Variants in CSMD1 observed in about 807,000 individuals in gnomAD.
CSMD1 encodes the protein CUB and sushi domain-containing protein 1.
Under a neutral mutation model 417.5 loss-of-function variants are expected in CSMD1, and 213 were observed. The ratio of observed to expected loss-of-function variants is 0.51; its 90% CI spans 0.46 to 0.57. The LOEUF (loss-of-function observed/expected upper bound fraction) is 0.57. Among genes scored for constraint, CSMD1 ranks in the 20% least tolerant of loss-of-function variants. The probability of loss-of-function intolerance (pLI) is 0.00; values close to 1 mark genes in which losing one functional copy is unlikely to be tolerated. For missense variants in CSMD1, 6,923 were observed against 4,529.7 expected (o/e 1.53, Z -15.17); for synonymous variants, 2,862 against 1,736.8 (o/e 1.65, Z -16.11).
At chr8:4,210,057 G>C (rs1800216496) in intron 3 of CSMD1, among the ~76,000 whole-genome samples, 1 of 152,154 alleles carries the variant, frequency 6.6e-6, no homozygotes, top group African/African-American at 2.4e-5. Context: ...CCTGCTTCCT[G>C]AGTCAAGTCC....
chr8:3,812,337 T>C (rs1308578180), intron 5 of CSMD1, among the ~76,000 whole-genome samples: 1 of 152,222 alleles, frequency 6.6e-6, no homozygotes, highest in Non-Finnish European at 1.5e-5. Context: ...ATGAGTCATG[T>C]GAATGACAAT....
chr8:3,026,394 G>C (rs538207608), intron 51 of CSMD1, among the ~76,000 whole-genome samples: 2 of 151,420 alleles, frequency 1.3e-5, no homozygotes, highest in African/African-American at 4.8e-5. Flanking sequence ...ACCTCACTCG[G>C]CCTCACTGGG....
At chr8:3,498,400 G>A (rs1414516437) in intron 10 of CSMD1, among the ~76,000 whole-genome samples, 1 of 151,680 alleles carries the variant, frequency 6.6e-6, no homozygotes, top group Non-Finnish European at 1.5e-5. Context: ...TCTTTTTCTT[G>A]GGAAAATTAC....
intron 40 of CSMD1, among the ~76,000 whole-genome samples, chr8:3,143,011 C>T (rs1415134234): frequency 2.0e-5 from 3 of 152,136 alleles, no homozygotes; most frequent in Non-Finnish European, 4.4e-5. Context: ...TGATTTTGTC[C>T]GGTGACTTTT....
At chr8:3,026,126 G>A (rs1357192810) in intron 51 of CSMD1, among the ~76,000 whole-genome samples, 1 of 152,138 alleles carries the variant, frequency 6.6e-6, no homozygotes. Context: ...ACAGCCTGGT[G>A]AGGGAAGCCC....
intron 1 of CSMD1, among the ~76,000 whole-genome samples, chr8:4,849,890 T>G (rs1442330593): frequency 6.6e-6 from 1 of 152,230 alleles, no homozygotes; most frequent in African/African-American, 2.4e-5. Context: ...ATGGGTATAT[T>G]AGAAATGGCA....
At chr8:4,265,858 G>C (rs1804198926) in intron 3 of CSMD1, among the ~76,000 whole-genome samples, 1 of 104,026 alleles carries the variant, frequency 9.6e-6, no homozygotes. Flanking sequence ...ATTTCTATAG[G>C]TCCATGGTGT....
intron 3 of CSMD1, among the ~76,000 whole-genome samples, chr8:4,186,688 G>C (rs1040109331): frequency 3.9e-5 from 6 of 151,962 alleles, no homozygotes; most frequent in Non-Finnish European, 5.9e-5. Flanking sequence ...TTTCTATTAA[G>C]ACTAAATATT....
chr8:3,609,520 T>A (rs910583313), intron 8 of CSMD1, among the ~76,000 whole-genome samples: 2 of 152,130 alleles, frequency 1.3e-5, no homozygotes, highest in African/African-American at 4.8e-5. Context: ...TTAGGTTGTC[T>A]ACGGAAAAGG....
At chr8:4,267,743 A>G (rs193161686) in intron 3 of CSMD1, among the ~76,000 whole-genome samples, 22 of 152,250 alleles carry the variant, frequency 1.4e-4, no homozygotes, top group African/African-American at 4.8e-4. Flanking sequence ...TCCAAATTGT[A>G]AGGTGCCACT....
At position 3,562,403 on chromosome 8, in the gene CSMD1, CACACACATGCACAA is replaced by C. The variant is rs138256283; in HGVS notation, c.1344+12528_1344+12541del. ...ACACACACACGTACACACATGCATA[CACACACATGCACAA>C]ACACACATGCACACACACGTGCACA... On this transcript the variant is annotated intron_variant, in intron 10 of 69. Transcript: ENST00000635120. Among the ~76,000 whole-genome samples the C allele has an allele frequency of 8.8e-3, 1,262 of 142,692 alleles. 29 individuals are homozygous for C. Among genetic ancestry groups the C allele is most frequent in the African/African-American group, 0.028 (1,110 of 39,184 alleles). 93.6% of individuals were successfully genotyped at this position (142,692 alleles called of 152,430 possible).
chr8:4,513,974 C>T (rs1282146234), intron 2 of CSMD1, among the ~76,000 whole-genome samples: 1 of 152,126 alleles, frequency 6.6e-6, no homozygotes, highest in Non-Finnish European at 1.5e-5. Context: ...CTTTTTAACC[C>T]TAGATTGTAG....
chr8:4,853,107 C>G (rs1356441586), intron 1 of CSMD1, among the ~76,000 whole-genome samples: 4 of 152,116 alleles, frequency 2.6e-5, no homozygotes, highest in Non-Finnish European at 2.9e-5. Context: ...AAAAGAAAAG[C>G]ATGTTTTTAG....
In CSMD1 at chr8:4,032,009, T is replaced by C. The variant is rs1047699395; in HGVS notation, c.506A>G (p.Tyr169Cys). Residue 169 changes from tyrosine to cysteine, a missense_variant, in exon 4 of 70, where the codon TAC becomes TGC. By Grantham distance (194) the Tyr-to-Cys change is radical. Coordinates refer to ENST00000635120, the MANE Select transcript of CSMD1 (RefSeq NM_033225.6). The part of the protein sequence containing the change: ...TRFNIGDKIR[Y>C]SCLPGYILEG... ...CAAGATGTAGCCAGGGAGGCAGCTGTACCGGATTTTGTCTCCTATGTTGAA... is the reference window on the plus strand; with the variant it reads ...CAAGATGTAGCCAGGGAGGCAGCTGCACCGGATTTTGTCTCCTATGTTGAA... The C allele has an allele frequency of 3.7e-6, 6 of 1,613,964 alleles. No individual in the cohort carries two copies. Among genetic ancestry groups the C allele is most frequent in the Non-Finnish European group, 4.2e-6 (5 of 1,179,872 alleles).
chr8:3,541,984 C>G (rs922897274), intron 10 of CSMD1, among the ~76,000 whole-genome samples: 1 of 151,886 alleles, frequency 6.6e-6, no homozygotes, highest in Non-Finnish European at 1.5e-5. Context: ...CCACTGCTCT[C>G]CAGTCTCGGC....
intron 1 of CSMD1, among the ~76,000 whole-genome samples, chr8:4,845,159 C>T (rs1226377124): frequency 6.6e-6 from 1 of 152,130 alleles, no homozygotes; most frequent in Non-Finnish European, 1.5e-5. Flanking sequence ...ACAATAATCA[C>T]CTCTTATGAG....
At chr8:4,556,349 A>G (rs1798086597) in intron 2 of CSMD1, among the ~76,000 whole-genome samples, 1 of 152,172 alleles carries the variant, frequency 6.6e-6, no homozygotes, top group African/African-American at 2.4e-5. Context: ...GTTTAAGGTT[A>G]TGAAGATGTC....
intron 3 of CSMD1, among the ~76,000 whole-genome samples, chr8:4,335,511 C>A (rs964128538): frequency 2.0e-5 from 3 of 152,064 alleles, no homozygotes; most frequent in Non-Finnish European, 4.4e-5. Flanking sequence ...ACGAAGTCAT[C>A]ACCTGCCATG....
chr8:4,458,189 G>C (rs1034251934), intron 2 of CSMD1, among the ~76,000 whole-genome samples: 1 of 152,076 alleles, frequency 6.6e-6, no homozygotes, highest in Non-Finnish European at 1.5e-5. Context: ...ATATCAAAAT[G>C]ATACTAATCA....
Sources: allele counts gnomAD v4.1 joint callset (sites outside exome capture counted in the v4.1 genomes callset), GRCh38; gene constraint gnomAD v4.1.1; transcripts MANE v1.5; gene names NCBI Gene and HGNC (gene_info 2026-07-23, HGNC 2026-07-21).